Variants in AGBL4 observed in about 807,000 individuals in gnomAD.
AGBL4 encodes AGBL carboxypeptidase 4.
A neutral mutation model predicts 66.4 loss-of-function variants in AGBL4; 58 were observed. The observed-to-expected ratio is 0.87, with a 90% confidence interval of 0.71 to 1.09. The LOEUF is 1.09. Ranked by LOEUF, AGBL4 falls within the 50% of genes least tolerant of loss-of-function variation. AGBL4 has a pLI of 0.00. For missense variants in AGBL4, 579 were observed against 631.0 expected, an observed-to-expected ratio of 0.92 and a Z score of 0.88; for synonymous variants, 234 against 222.9, an observed-to-expected ratio of 1.05 and a Z score of -0.44.
chr1:49,877,733 G>A (rs943383151), intron 1 of AGBL4, among the ~76,000 whole-genome samples: 8 of 151,492 alleles, frequency 5.3e-5, no homozygotes, highest in African/African-American at 1.9e-4. Flanking sequence ...CAGAAGGAAT[G>A]GTACCAGTTC....
chr1:49,426,173 A>T (rs765864258), intron 3 of AGBL4, among the ~76,000 whole-genome samples: 56 of 152,142 alleles, frequency 3.7e-4, no homozygotes, highest in Non-Finnish European at 6.8e-4. Context: ...AATGCGTGGG[A>T]TTCTCTTCAA....
chr1:49,484,340 A>G (rs1647018598), intron 3 of AGBL4, among the ~76,000 whole-genome samples: 1 of 152,116 alleles, frequency 6.6e-6, no homozygotes, highest in Non-Finnish European at 1.5e-5. Context: ...AATATTTGGG[A>G]GCAACCTAAG....
At chr1:49,635,882 C>T (rs1221280651) in intron 3 of AGBL4, among the ~76,000 whole-genome samples, 1 of 152,130 alleles carries the variant, frequency 6.6e-6, no homozygotes. Flanking sequence ...ATGTATGCAA[C>T]AGATATGCTT....
At chr1:49,084,324 C>G (rs1385184307) in intron 4 of AGBL4, among the ~76,000 whole-genome samples, 1 of 152,174 alleles carries the variant, frequency 6.6e-6, no homozygotes, top group African/African-American at 2.4e-5. Flanking sequence ...TTATTTCACT[C>G]TCATGGTGCT....
At chr1:49,076,231 T>G (rs925465861) in intron 4 of AGBL4, among the ~76,000 whole-genome samples, 1 of 152,142 alleles carries the variant, frequency 6.6e-6, no homozygotes, top group Admixed American at 6.5e-5. Flanking sequence ...CTAACAAATA[T>G]CAAAAATTGC....
intron 1 of AGBL4, among the ~76,000 whole-genome samples, chr1:49,921,325 C>T (rs1652218461): frequency 6.6e-6 from 1 of 152,018 alleles, no homozygotes; most frequent in African/African-American, 2.4e-5. Flanking sequence ...AAATTGTCTT[C>T]AATATCCTAA....
intron 2 of AGBL4, among the ~76,000 whole-genome samples, chr1:49,711,132 T>A (rs1647633467): frequency 6.6e-6 from 1 of 152,092 alleles, no homozygotes; most frequent in African/African-American, 2.4e-5. Context: ...ACTAGAAGTT[T>A]CATACGTTTC....
chr1:49,233,276 A>G (rs1490835394), intron 4 of AGBL4, among the ~76,000 whole-genome samples: 1 of 152,224 alleles, frequency 6.6e-6, no homozygotes, highest in African/African-American at 2.4e-5. Context: ...TATGGCCCCA[A>G]ATAAATCCAA....
At chr1:48,565,385 AGT>A (rs1644460660) in intron 11 of AGBL4, among the ~76,000 whole-genome samples, 1 of 152,210 alleles carries the variant, frequency 6.6e-6, no homozygotes, top group Non-Finnish European at 1.5e-5. Flanking sequence ...CTAGTTGGTC[AGT>A]GACCACCTTC....
chr1:49,205,566 G>A (rs1404124008), intron 4 of AGBL4, among the ~76,000 whole-genome samples: 1 of 152,000 alleles, frequency 6.6e-6, no homozygotes, highest in Non-Finnish European at 1.5e-5. Context: ...TAAGCTTCCT[G>A]TTTAAAAGAG....
At chr1:49,036,718 C>G (rs1664688246) in intron 5 of AGBL4, among the ~76,000 whole-genome samples, 1 of 135,328 alleles carries the variant, frequency 7.4e-6, no homozygotes, top group Non-Finnish European at 1.6e-5. Flanking sequence ...CCACCATGCT[C>G]AGCTAATTTT....
chr1:48,832,347 G>A (rs1057261727), intron 6 of AGBL4, among the ~76,000 whole-genome samples: 8 of 152,210 alleles, frequency 5.3e-5, no homozygotes, highest in Non-Finnish European at 1.2e-4. Context: ...GACCTGCCGT[G>A]TGAATTCTGC....
intron 3 of AGBL4, among the ~76,000 whole-genome samples, chr1:49,539,314 G>C (rs1651832589): frequency 6.6e-6 from 1 of 152,070 alleles, no homozygotes; most frequent in Admixed American, 6.6e-5. Context: ...CTGTATTTCT[G>C]ATTTTTTCTA....
At chr1:49,938,617 T>G (rs1413849018) in intron 1 of AGBL4, among the ~76,000 whole-genome samples, 27 of 152,066 alleles carry the variant, frequency 1.8e-4, no homozygotes, top group Admixed American at 1.8e-3. Context: ...GCAAACCGAA[T>G]CCAACAGCAC....
chr1:48,590,337 T>C (rs915165809), intron 10 of AGBL4, among the ~76,000 whole-genome samples: 4 of 144,554 alleles, frequency 2.8e-5, no homozygotes, highest in African/African-American at 7.8e-5. Flanking sequence ...ACCTGGGAGA[T>C]GGAGGTTGCA....
rs988428089 is a variant in AGBL4, at chr1:49,240,115, AAAATTTTGACAG to A, written c.377+5643_377+5654del. Among the ~76,000 whole-genome samples the A allele has an allele frequency of 6.4e-4, 98 of 152,224 alleles. 1 individual carries two copies. The highest frequency in any genetic ancestry group is 2.3e-3 in the African/African-American group (96 of 41,554). On this transcript the variant is annotated intron_variant, in intron 4 of 13. Coordinates refer to ENST00000371839, the MANE Select transcript of AGBL4 (RefSeq NM_032785.4). Reference sequence around the variant, plus strand: ...AAGACACCACTAATTTCAAAATTTTAAAATTTTGACAGGAGCGAGGCTAAACATTACTACATT... The same window carrying A: ...AAGACACCACTAATTTCAAAATTTTAGAGCGAGGCTAAACATTACTACATT...
At chr1:49,739,470 G>A (rs1650222797) in intron 2 of AGBL4, among the ~76,000 whole-genome samples, 1 of 152,292 alleles carries the variant, frequency 6.6e-6, no homozygotes, top group Admixed American at 6.5e-5. Flanking sequence ...AAACAAGTTG[G>A]AAAACACTCT....
intron 4 of AGBL4, among the ~76,000 whole-genome samples, chr1:49,118,793 T>C (rs933979633): frequency 6.6e-6 from 1 of 152,232 alleles, no homozygotes; most frequent in Non-Finnish European, 1.5e-5. Flanking sequence ...TCTTTGTACC[T>C]CTGGTAGAAT....
chr1:50,023,808 C>G lies in AGBL4; in HGVS notation c.-12G>C, dbSNP rs1557667828. ...CTCCCCTCCGCCATTTTTGTTGTCC[C>G]TCAGTCTCCGAGCTCACGCGAAGAC... On this transcript the variant is annotated 5_prime_UTR_variant, in exon 1 of 14. Transcript: ENST00000371839. 3 of 1,549,182 alleles carry G rather than the reference C, an allele frequency of 1.9e-6. No homozygotes were observed. The highest frequency in any genetic ancestry group is 2.6e-6 in the Non-Finnish European group (3 of 1,145,956).
Sources: gnomAD v4.1 joint callset for allele counts (sites outside exome capture counted in the v4.1 genomes callset) on GRCh38, gnomAD v4.1.1 for gene constraint, MANE v1.5 for transcripts, NCBI Gene and HGNC (gene_info 2026-07-23, HGNC 2026-07-21) for gene names.